Variants in GLCE observed in about 807,000 individuals in gnomAD.
The protein encoded by GLCE is glucuronic acid epimerase, also known as D-glucuronyl C5-epimerase.
A neutral mutation model predicts 47.9 loss-of-function variants in GLCE; 19 were observed. The observed-to-expected ratio is 0.40, with a 90% CI of 0.28 to 0.58. GLCE has a LOEUF of 0.58. Ranked by LOEUF, GLCE falls within the 20% of genes least tolerant of loss-of-function variation. The probability of loss-of-function intolerance (pLI) is 0.48; values close to 1 mark genes in which losing one functional copy is unlikely to be tolerated. For synonymous variants in GLCE, 245 were observed against 263.4 expected (o/e 0.93, Z 0.68); for missense variants, 556 against 743.3 (o/e 0.75, Z 2.93).
chr15:69,253,855 T>G (rs919303727), intron 2 of GLCE, among the ~76,000 whole-genome samples: 29 of 152,304 alleles, frequency 1.9e-4, no homozygotes, highest in Non-Finnish European at 1.0e-4. Flanking sequence ...TTTTAATGAT[T>G]TAAGACAGTA....
At chr15:69,203,307 A>G (rs983300822) in intron 1 of GLCE, among the ~76,000 whole-genome samples, 3 of 152,128 alleles carry the variant, frequency 2.0e-5, no homozygotes, top group Non-Finnish European at 2.9e-5. Flanking sequence ...TATGGACATT[A>G]AAATATAGTA....
intron 2 of GLCE, among the ~76,000 whole-genome samples, chr15:69,238,437 ATCT>A: frequency 6.6e-6 from 1 of 152,288 alleles, no homozygotes; most frequent in East Asian, 1.9e-4. Flanking sequence ...TAAAAAAAAA[ATCT>A]TCTTAGGGTT....
intron 2 of GLCE, among the ~76,000 whole-genome samples, chr15:69,250,515 T>A (rs114740361): frequency 0.01 from 1,521 of 151,496 alleles, 23 homozygotes; most frequent in African/African-American, 0.032. Context: ...TTTTTCATTA[T>A]TTTTTTTTAA....
At chr15:69,183,275 G>A (rs530210171) in intron 1 of GLCE, among the ~76,000 whole-genome samples, 12 of 152,188 alleles carry the variant, frequency 7.9e-5, no homozygotes, top group African/African-American at 2.7e-4. Context: ...AAGAAATAAA[G>A]TGGAGAGCTT....
At chr15:69,254,294 A>C (rs2052889992) in intron 2 of GLCE, among the ~76,000 whole-genome samples, 1 of 152,200 alleles carries the variant, frequency 6.6e-6, no homozygotes, top group South Asian at 2.1e-4. Flanking sequence ...TCATCCCAGC[A>C]AAAAGTAACC....
intron 1 of GLCE, among the ~76,000 whole-genome samples, chr15:69,167,065 A>G (rs1202504603): frequency 6.6e-6 from 1 of 151,560 alleles, no homozygotes; most frequent in Admixed American, 6.6e-5. Flanking sequence ...AAAATACAAA[A>G]ATTAGCCAGG....
At chr15:69,162,882 G>A (rs1410159681) in intron 1 of GLCE, among the ~76,000 whole-genome samples, 1 of 152,082 alleles carries the variant, frequency 6.6e-6, no homozygotes, top group African/African-American at 2.4e-5. Context: ...CACCATGCCA[G>A]GCCTCTTAGA....
intron 1 of GLCE, among the ~76,000 whole-genome samples, chr15:69,209,140 A>AT (rs540646997): frequency 2.0e-4 from 29 of 146,634 alleles, no homozygotes; most frequent in Admixed American, 4.1e-4. Flanking sequence ...TTTATCTTCT[A>AT]TTTTTTTTTC....
chr15:69,188,708 G>A (rs186036990), intron 1 of GLCE, among the ~76,000 whole-genome samples: 4 of 152,090 alleles, frequency 2.6e-5, no homozygotes, highest in East Asian at 1.9e-4. Flanking sequence ...TGCTCATGAC[G>A]TTCTCTTACC....
intron 2 of GLCE, among the ~76,000 whole-genome samples, chr15:69,241,459 A>G (rs1420688814): frequency 6.6e-6 from 1 of 152,234 alleles, no homozygotes; most frequent in African/African-American, 2.4e-5. Flanking sequence ...GGGCTTAGCT[A>G]ACTCTTGAAT....
At chr15:69,235,093 CTTTTTTTTTTTTTT>C (rs869212730) in intron 2 of GLCE, among the ~76,000 whole-genome samples, 11 of 62,880 alleles carry the variant, frequency 1.7e-4, no homozygotes, top group Admixed American at 5.2e-4. Flanking sequence ...GAAGATTATT[CTTTTTTTTTTTTTT>C]TTTTTTTTTT....
intron 2 of GLCE, among the ~76,000 whole-genome samples, chr15:69,211,103 C>T (rs2052227904): frequency 6.6e-6 from 1 of 151,970 alleles, no homozygotes; most frequent in African/African-American, 2.4e-5. Flanking sequence ...ACTCTAATTT[C>T]TTGAAGTGAA....
At chr15:69,249,127 G>T (rs1176990570) in intron 2 of GLCE, among the ~76,000 whole-genome samples, 1 of 152,148 alleles carries the variant, frequency 6.6e-6, no homozygotes, top group African/African-American at 2.4e-5. Context: ...TAATACATTG[G>T]CATTTAAGCA....
In GLCE at chr15:69,210,395, C is replaced by A. The variant is rs994693404; in HGVS notation, c.-25C>A. ...AGATGTTCTAGAGTTTAGATTCTTT[C>A]ATTTGATTAAGGTAAGATTGTTTGA... is the stretch of plus-strand genomic sequence containing the variant. On this transcript the variant is annotated 5_prime_UTR_variant, in exon 2 of 5. Transcript: ENST00000261858. 1 of 152,026 alleles carries A rather than the reference C, an allele frequency of 6.6e-6. No individual in the cohort carries two copies. The highest frequency in any genetic ancestry group is 1.5e-5 in the Non-Finnish European group (1 of 67,964). The allele number at this position is 152,026 out of a possible 1,614,324, so 9.4% of individuals were successfully genotyped here. A position where few individuals can be genotyped will look rare whatever the true frequency, so the allele number is the denominator to read the frequency against.
chr15:69,226,926 G>GTA (rs2052457233), intron 2 of GLCE, among the ~76,000 whole-genome samples: 1 of 151,488 alleles, frequency 6.6e-6, no homozygotes, highest in Non-Finnish European at 1.5e-5. Context: ...TGTGCTTTTA[G>GTA]TAGAGATAGG....
rs779907666 is a variant in GLCE at position 69,268,436 on chromosome 15, C to T, written c.1046C>T (p.Thr349Ile). 1.9e-6 allele frequency: 3 copies of T among 1,613,916 alleles called. No individual in the cohort carries two copies. Among genetic ancestry groups the T allele is most frequent in the Non-Finnish European group, 2.5e-6 (3 of 1,179,934 alleles). Residue 349 changes from threonine (T) to isoleucine (I), a missense_variant, in exon 5 of 5, where the codon ACA (threonine) becomes ATA (isoleucine). Thr to Ile is a moderately conservative substitution (Grantham distance 89). Coordinates refer to ENST00000261858, the MANE Select transcript of GLCE (RefSeq NM_015554.3). ...ATTGGGCCCAGAACTTCATGGAGCA[C>T]AGTTACCAGGGACCTGGTCACTGAC... ...YGIGPRTSWS[T>I]VTRDLVTDLR...
intron 1 of GLCE, among the ~76,000 whole-genome samples, chr15:69,184,611 A>G (rs1314213593): frequency 6.6e-6 from 1 of 152,256 alleles, no homozygotes; most frequent in African/African-American, 2.4e-5. Flanking sequence ...AGATATCAGA[A>G]AGCCCAATTC....
chr15:69,207,115 C>T (rs1360514703), intron 1 of GLCE, among the ~76,000 whole-genome samples: 2 of 152,058 alleles, frequency 1.3e-5, no homozygotes, highest in African/African-American at 2.4e-5. Context: ...AGCAAGTTCA[C>T]AATTGTTAAC....
At chr15:69,168,335 A>G (rs528490623) in intron 1 of GLCE, among the ~76,000 whole-genome samples, 1 of 152,260 alleles carries the variant, frequency 6.6e-6, no homozygotes, top group East Asian at 1.9e-4. Context: ...ATTTTTACCC[A>G]TTTTAGTCAA....
Sources: gnomAD v4.1 joint callset for allele counts (sites outside exome capture counted in the v4.1 genomes callset) on GRCh38, gnomAD v4.1.1 for gene constraint, MANE v1.5 for transcripts, NCBI Gene and HGNC (gene_info 2026-07-23, HGNC 2026-07-21) for gene names.